Variants in PDE10A observed in about 807,000 individuals in gnomAD.
PDE10A encodes the protein phosphodiesterase 10A.
In PDE10A, 39 loss-of-function variants were observed where a neutral mutation model predicts 97.7. The observed-to-expected ratio is 0.40, with a 90% confidence interval of 0.31 to 0.52. The LOEUF (loss-of-function observed/expected upper bound fraction) is 0.52. Ranked by LOEUF, PDE10A falls within the 20% of genes least tolerant of loss-of-function variation. The pLI, the probability that PDE10A is intolerant of heterozygous loss-of-function variation, is 0.56. For missense variants in PDE10A, 731 were observed against 1,047.8 expected (o/e 0.70, Z 4.17); for synonymous variants, 371 against 376.8 (o/e 0.98, Z 0.18).
intron 1 of PDE10A, among the ~76,000 whole-genome samples, chr6:165,846,741 A>C (rs905623612): frequency 2.0e-5 from 3 of 152,228 alleles, no homozygotes; most frequent in African/African-American, 4.8e-5. Context: ...AATAAAAGCA[A>C]AACTGGATGA....
chr6:165,443,214 A>C, intron 5 of PDE10A, among the ~76,000 whole-genome samples: 1 of 152,012 alleles, frequency 6.6e-6, no homozygotes, highest in East Asian at 1.9e-4. Flanking sequence ...CAAGTTAGTT[A>C]CTTGTTTGGG....
Position 165,450,302 on chromosome 6 carries a change from A to G in PDE10A, c.1084T>C (p.Leu362=), listed in dbSNP as rs1239605048. The change falls in exon 4 of 22, where the codon TTG becomes CTG. Residue 362 remains leucine, a synonymous_variant. Coordinates refer to ENST00000539869, the MANE Select transcript of PDE10A (RefSeq NM_001385079.1). ...YELNSYIEQR[L]DTGGDNQLLL... ...AGCTGGTTGTCTCCTCCTGTGTCCA[A>G]CCGTTGTTCTATATAGCTGTTTAGT... 1.9e-6 allele frequency: 3 copies of G among 1,602,192 alleles called. No homozygotes were observed. The highest frequency in any genetic ancestry group is 3.3e-5 in the Admixed American group (2 of 59,900).
At chr6:165,448,578 A>G (rs1290700712) in intron 5 of PDE10A, among the ~76,000 whole-genome samples, 1 of 152,210 alleles carries the variant, frequency 6.6e-6, no homozygotes, top group Non-Finnish European at 1.5e-5. Flanking sequence ...TCTACTGTAG[A>G]TCATGTGTAG....
At chr6:165,405,792 G>A (rs1787092711) in intron 13 of PDE10A, among the ~76,000 whole-genome samples, 2 of 152,056 alleles carry the variant, frequency 1.3e-5, no homozygotes, top group Non-Finnish European at 1.5e-5. Flanking sequence ...GAAGGGTGGA[G>A]GGCCTAGTGT....
chr6:165,831,441 TATA>T (rs1413354688), intron 1 of PDE10A, among the ~76,000 whole-genome samples: 1 of 146,516 alleles, frequency 6.8e-6, no homozygotes, highest in Admixed American at 6.8e-5. Flanking sequence ...CCTTTTCATA[TATA>T]ATAACTTTCT....
chr6:165,977,800 A>G (rs1160412183), intron 1 of PDE10A, among the ~76,000 whole-genome samples: 1 of 152,248 alleles, frequency 6.6e-6, no homozygotes, highest in Non-Finnish European at 1.5e-5. Context: ...AAAATGTTGC[A>G]TAGCAGTTTT....
chr6:165,607,248 T>C (rs1036969890), intron 1 of PDE10A, among the ~76,000 whole-genome samples: 10 of 152,220 alleles, frequency 6.6e-5, no homozygotes, highest in Non-Finnish European at 1.5e-4. Flanking sequence ...ATGCTTTAGC[T>C]GCAATTACAG....
chr6:165,707,122 C>G (rs903392237), intron 1 of PDE10A, among the ~76,000 whole-genome samples: 2 of 152,188 alleles, frequency 1.3e-5, no homozygotes, highest in East Asian at 3.9e-4. Flanking sequence ...TGGGGAAAGC[C>G]CAGAAAACCC....
intron 18 of PDE10A, among the ~76,000 whole-genome samples, chr6:165,362,527 T>A (rs1783488206): frequency 6.6e-6 from 1 of 152,138 alleles, no homozygotes; most frequent in East Asian, 1.9e-4. Context: ...ATAGTCAATG[T>A]GAATAGACCT....
chr6:165,455,410 TC>T (rs1449387950), intron 3 of PDE10A, among the ~76,000 whole-genome samples: 1 of 151,954 alleles, frequency 6.6e-6, no homozygotes, highest in Non-Finnish European at 1.5e-5. Flanking sequence ...CACTGAAGGA[TC>T]CCCACGTAGG....
At position 165,431,485 on chromosome 6, in the gene PDE10A, A is replaced by G; in HGVS notation, c.1492-13T>C. ...TTGCTGTTGCAACCTAAAAAAAACA[A>G]GAAATACATACCTATAAGTAATAAT... On this transcript the variant is annotated splice_polypyrimidine_tract_variant and intron_variant, in intron 7 of 21. Coordinates refer to ENST00000539869, the MANE Select transcript of PDE10A (RefSeq NM_001385079.1). 6.6e-7 allele frequency: 1 copy of G among 1,522,366 alleles called. No individual in the cohort carries two copies. Among genetic ancestry groups the G allele is most frequent in the Non-Finnish European group, 9.1e-7 (1 of 1,104,748 alleles). The allele number at this position is 1,522,366 out of a possible 1,614,324, so 94.3% of individuals were successfully genotyped here.
chr6:165,949,273 C>A (rs6937549), intron 1 of PDE10A: 10 of 152,142 alleles, frequency 6.6e-5, no homozygotes, highest in African/African-American at 2.4e-4. Context: ...CAGTACGATG[C>A]AATTCAGAAT....
In PDE10A at chr6:165,660,804, G is replaced by C. The variant is rs527277010; in HGVS notation, c.865+1143C>G. The stretch of plus-strand genomic sequence containing the variant: ...CGCAGACAAAGGCTCGGGTGCACAC[G>C]CGGTGGACGGTGGCTCCGGAGCCGC... On this transcript the variant is annotated intron_variant, in intron 1 of 21. Transcript: ENST00000539869. The C allele has an allele frequency of 3.3e-5, 5 of 152,428 alleles. No homozygotes were observed. In the East Asian group the frequency reaches 9.7e-4, roughly 30 times the overall value. The allele number at this position is 152,428 out of a possible 1,614,324, so 9.4% of individuals were successfully genotyped here. A position where few individuals can be genotyped will look rare whatever the true frequency, so the allele number is the denominator to read the frequency against.
At chr6:165,489,897 G>T (rs1176650194) in intron 2 of PDE10A, among the ~76,000 whole-genome samples, 1 of 151,924 alleles carries the variant, frequency 6.6e-6, no homozygotes, top group Non-Finnish European at 1.5e-5. Context: ...CAAATGCAAA[G>T]AAAAAAGAAT....
At chr6:165,620,059 C>G (rs1354779292) in intron 1 of PDE10A, among the ~76,000 whole-genome samples, 1 of 151,938 alleles carries the variant, frequency 6.6e-6, no homozygotes, top group Admixed American at 6.6e-5. Flanking sequence ...GAAGCTGAGA[C>G]CACATTTCTG....
chr6:165,559,962 C>A (rs13437201), intron 1 of PDE10A, among the ~76,000 whole-genome samples: 3,267 of 152,274 alleles, frequency 0.021, 139 homozygotes, highest in African/African-American at 0.075. Context: ...GCCTCTTTTT[C>A]TTCCCAGTCT....
chr6:165,588,725 C>T (rs1041084435), intron 1 of PDE10A, among the ~76,000 whole-genome samples: 6 of 152,170 alleles, frequency 3.9e-5, no homozygotes, highest in Non-Finnish European at 7.3e-5. Flanking sequence ...AAATCCACAT[C>T]TCAAATACTA....
At chr6:165,758,058 C>G (rs954275132) in intron 1 of PDE10A, among the ~76,000 whole-genome samples, 1 of 152,220 alleles carries the variant, frequency 6.6e-6, no homozygotes, top group Non-Finnish European at 1.5e-5. Context: ...TTCACCTGAA[C>G]TGTCATTAGT....
intron 1 of PDE10A, among the ~76,000 whole-genome samples, chr6:165,824,755 T>C (rs12528024): frequency 2.6e-5 from 4 of 152,098 alleles, no homozygotes; most frequent in African/African-American, 9.7e-5. Context: ...CAATCTATTG[T>C]ATATTTCTTA....
Sources: gnomAD v4.1 joint callset for allele counts (sites outside exome capture counted in the v4.1 genomes callset) on GRCh38, gnomAD v4.1.1 for gene constraint, MANE v1.5 for transcripts, NCBI Gene and HGNC (gene_info 2026-07-23, HGNC 2026-07-21) for gene names.